The following RAPGEF6 variants were observed in gnomAD, a reference collection of about 807,000 sequenced individuals.
RAPGEF6 encodes PDZ domain containing guanine nucleotide exchange factor (GEF) 2.
Under a neutral mutation model 171.4 loss-of-function variants are expected in RAPGEF6, and 56 were observed. That is an observed-to-expected ratio of 0.33 (90% confidence interval 0.26 to 0.41). RAPGEF6 has a LOEUF of 0.41. RAPGEF6 is among the 10% of genes least tolerant of loss of function. RAPGEF6 has a pLI of 1.00. For synonymous variants in RAPGEF6, 692 were observed against 650.1 expected (o/e 1.06, Z -0.98); for missense variants, 1,674 against 1,921.4 (o/e 0.87, Z 2.41).
At chr5:131,594,239 T>C (rs1763757270) in intron 3 of RAPGEF6, among the ~76,000 whole-genome samples, 2 of 152,252 alleles carry the variant, frequency 1.3e-5, no homozygotes, top group African/African-American at 4.8e-5. Flanking sequence ...CTCACAAGAT[T>C]TGCTAGTTTA....
Position 131,489,449 on chromosome 5 carries a change from CAT to C in RAPGEF6, c.1840+95_1840+96del, listed in dbSNP as rs1756136075. 19 of 700,300 alleles carry C rather than the reference CAT, an allele frequency of 2.7e-5. No individual in the cohort carries two copies. In the South Asian group the frequency reaches 3.5e-4, roughly 13 times the overall value. 43.4% of individuals were successfully genotyped at this position (700,300 alleles called of 1,614,324 possible). ...ACTAGCTGAAGAGCTTAGACAAAAA[CAT>C]GTTTATATTTTACTATCTTTTCTTC... is the stretch of plus-strand genomic sequence containing the variant. On this transcript the variant is annotated intron_variant, in intron 15 of 27. Coordinates refer to ENST00000509018, the MANE Select transcript of RAPGEF6 (RefSeq NM_016340.6).
At position 131,495,590 on chromosome 5, in the gene RAPGEF6, C is replaced by G; in HGVS notation, c.1490G>C (p.Arg497Pro). 3 of 1,613,384 alleles carry G rather than the reference C, an allele frequency of 1.9e-6. No individual in the cohort carries two copies. The highest frequency in any genetic ancestry group is 2.2e-5 in the South Asian group (2 of 91,016). ...ATTTTTTTCAAATTCCTCTAGAAAT[C>G]GAGTCATAGCAGGGTCACCTTCAAA... ...NDFEGDPAMTRFLEEFEKNLE... is the reference protein window; with the variant it reads ...NDFEGDPAMTPFLEEFEKNLE... The change falls in exon 13 of 28, where the codon CGA (arginine) becomes CCA (proline). Residue 497 changes from arginine (R) to proline (P), a missense_variant. Arg to Pro is a moderately radical substitution (Grantham distance 103). This residue lies in a region of RAPGEF6 where 1,116 missense variants were observed against 1,321.5 expected (regional missense o/e 0.84). Transcript: ENST00000509018.
chr5:131,442,102 T>C (rs1274910583), intron 23 of RAPGEF6, among the ~76,000 whole-genome samples: 1 of 152,208 alleles, frequency 6.6e-6, no homozygotes, highest in African/African-American at 2.4e-5. Flanking sequence ...CCAAAATGTA[T>C]TGCTGTAAAT....
intron 4 of RAPGEF6, among the ~76,000 whole-genome samples, chr5:131,571,904 A>G (rs1401988176): frequency 6.6e-6 from 1 of 152,044 alleles, no homozygotes; most frequent in Non-Finnish European, 1.5e-5. Flanking sequence ...ACTTTGTAAC[A>G]TTCCTCCCCG....
At chr5:131,516,234 C>T (rs2149902118) in intron 7 of RAPGEF6, among the ~76,000 whole-genome samples, 1 of 151,996 alleles carries the variant, frequency 6.6e-6, no homozygotes, top group East Asian at 1.9e-4. Context: ...GCATGCGCCA[C>T]CGCACGTGGC....
chr5:131,510,570 C>A, intron 7 of RAPGEF6, 79 bp from the exon 8 acceptor site: 1 of 1,330,114 alleles, frequency 7.5e-7, no homozygotes. Flanking sequence ...TCAAAACTAC[C>A]CATCCCTACA....
intron 7 of RAPGEF6, among the ~76,000 whole-genome samples, chr5:131,514,335 G>A (rs1178455264): frequency 6.6e-6 from 1 of 152,164 alleles, no homozygotes; most frequent in African/African-American, 2.4e-5. Flanking sequence ...ATATGATTAT[G>A]ACCACAGGAC....
At chr5:131,528,786 T>C (rs1187028554) in intron 6 of RAPGEF6, among the ~76,000 whole-genome samples, 2 of 152,098 alleles carry the variant, frequency 1.3e-5, no homozygotes, top group Middle Eastern at 3.4e-3. Flanking sequence ...TAGTAGGAGA[T>C]AAGTGGAGGA....
At chr5:131,511,589 T>A (rs1183896848) in intron 7 of RAPGEF6, among the ~76,000 whole-genome samples, 1 of 151,104 alleles carries the variant, frequency 6.6e-6, no homozygotes, top group African/African-American at 2.4e-5. Context: ...CTTGTCCTCC[T>A]GGACTCAAGA....
intron 4 of RAPGEF6, among the ~76,000 whole-genome samples, chr5:131,565,011 G>C (rs1761844633): frequency 6.6e-6 from 1 of 151,742 alleles, no homozygotes; most frequent in Non-Finnish European, 1.5e-5. Flanking sequence ...GCATTATTAG[G>C]GCTATTAAAA....
At chr5:131,478,206 G>A (rs964274467) in intron 16 of RAPGEF6, among the ~76,000 whole-genome samples, 3 of 152,128 alleles carry the variant, frequency 2.0e-5, no homozygotes, top group Admixed American at 1.3e-4. Context: ...AAGAACTCAG[G>A]AAGATGAGGA....
chr5:131,630,783 G>T (rs1479010028), intron 1 of RAPGEF6, among the ~76,000 whole-genome samples: 1 of 152,150 alleles, frequency 6.6e-6, no homozygotes, highest in Non-Finnish European at 1.5e-5. Flanking sequence ...TTTTGTCCCA[G>T]AAACACAAGG....
intron 25 of RAPGEF6, among the ~76,000 whole-genome samples, chr5:131,432,227 CA>C (rs545372424): frequency 1.3e-5 from 2 of 152,056 alleles, no homozygotes; most frequent in South Asian, 2.1e-4. Flanking sequence ...CAGCCCTTCA[CA>C]AAAAAAAGTT....
In RAPGEF6 at chr5:131,590,446, G is replaced by A. The variant is rs537215674; in HGVS notation, c.281+1937C>T. Among the ~76,000 whole-genome samples, 4 of 152,020 alleles carry A rather than the reference G, an allele frequency of 2.6e-5. No homozygotes were observed. The South Asian group carries it at 8.3e-4, about 32-fold the overall frequency. On this transcript the variant is annotated intron_variant, in intron 4 of 27. Transcript: ENST00000509018. ...ATCAAACTTCACTTGTTCCAATTAC[G>A]GTATGGTTTCTGTATTCTGACTGAA...
At chr5:131,439,933 G>C (rs1328578040) in intron 23 of RAPGEF6, 2 of 768,652 alleles carry the variant, frequency 2.6e-6, no homozygotes, top group Non-Finnish European at 4.0e-6. Flanking sequence ...GCATGGACCA[G>C]ATTATATTAG....
chr5:131,630,679 G>A (rs1222276085), intron 1 of RAPGEF6, among the ~76,000 whole-genome samples: 1 of 151,980 alleles, frequency 6.6e-6, no homozygotes, highest in African/African-American at 2.4e-5. Flanking sequence ...TTTACAACAT[G>A]TGTCTGTACT....
At chr5:131,542,040 G>T (rs1052508168) in intron 6 of RAPGEF6, among the ~76,000 whole-genome samples, 1 of 152,074 alleles carries the variant, frequency 6.6e-6, no homozygotes, top group African/African-American at 2.4e-5. Context: ...TTTCAAGATT[G>T]GACAAAGAAA....
chr5:131,430,641 C>G, intron 26 of RAPGEF6: 1 of 701,152 alleles, frequency 1.4e-6, no homozygotes, highest in Non-Finnish European at 2.6e-6. Flanking sequence ...AATTAAATAC[C>G]TTCACATCAG....
intron 7 of RAPGEF6, among the ~76,000 whole-genome samples, chr5:131,511,481 CTTTT>C (rs55782171): frequency 7.3e-6 from 1 of 137,328 alleles, no homozygotes; most frequent in African/African-American, 2.7e-5. Context: ...AAAAGATCAT[CTTTT>C]TTTTTTTTTT....
Sources: gnomAD v4.1 joint callset for allele counts (sites outside exome capture counted in the v4.1 genomes callset) on GRCh38, gnomAD v4.1.1 for gene constraint, gnomAD v4.1.1 regional missense constraint, MANE v1.5 for transcripts, NCBI Gene and HGNC (gene_info 2026-07-23, HGNC 2026-07-21) for gene names.